FAM20B: variants seen among roughly 807,000 people sequenced by gnomAD.
FAM20B encodes the protein glycosaminoglycan xylosylkinase.
In FAM20B, 23 loss-of-function variants were observed where a neutral mutation model predicts 43.8. The observed-to-expected ratio is 0.53, with a 90% CI of 0.38 to 0.74. The LOEUF is 0.74. FAM20B is among the 30% of genes least tolerant of loss of function. The pLI is 0.00. For synonymous variants in FAM20B, 178 were observed against 192.4 expected (o/e 0.93, Z 0.62); for missense variants, 440 against 510.5 (o/e 0.86, Z 1.33).
intron 3 of FAM20B, among the ~76,000 whole-genome samples, chr1:179,050,921 A>G (rs1650980110): frequency 6.6e-6 from 1 of 152,172 alleles, no homozygotes; most frequent in Admixed American, 6.5e-5. Flanking sequence ...CAGGAGTTCG[A>G]GACCAGCCTG....
intron 4 of FAM20B, among the ~76,000 whole-genome samples, chr1:179,062,522 C>T (rs546669382): frequency 2.0e-5 from 3 of 151,934 alleles, no homozygotes; most frequent in South Asian, 4.2e-4. Context: ...TGGTGGTGGG[C>T]GCCTGTAGTC....
intron 4 of FAM20B, among the ~76,000 whole-genome samples, chr1:179,061,076 A>ATT (rs67897742): frequency 0.025 from 3,099 of 126,192 alleles, 94 homozygotes; most frequent in African/African-American, 0.052. Context: ...TCTTTGTCGA[A>ATT]TTTTTTTTTT....
upstream of FAM20B, among the ~76,000 whole-genome samples, chr1:179,022,784 G>A (rs1013681844): frequency 8.5e-5 from 13 of 152,148 alleles, no homozygotes; most frequent in African/African-American, 2.4e-4. Context: ...CCCGGGGAAC[G>A]GGGTCAGACA....
At chr1:179,062,852 C>T (rs1572556262) in intron 4 of FAM20B, among the ~76,000 whole-genome samples, 1 of 152,170 alleles carries the variant, frequency 6.6e-6, no homozygotes, top group East Asian at 1.9e-4. Flanking sequence ...TTCCTCTATA[C>T]CTACCCCTCT....
upstream of FAM20B, among the ~76,000 whole-genome samples, chr1:179,023,914 A>G (rs999386298): frequency 6.6e-6 from 1 of 152,146 alleles, no homozygotes; most frequent in African/African-American, 2.4e-5. Flanking sequence ...CTTAGAATAT[A>G]TTGACTGTTG....
intron 1 of FAM20B, among the ~76,000 whole-genome samples, chr1:179,027,605 A>T (rs928841978): frequency 6.6e-6 from 1 of 152,248 alleles, no homozygotes; most frequent in Non-Finnish European, 1.5e-5. Flanking sequence ...TCAAAGGAGA[A>T]TACAAAGGCA....
intron 1 of FAM20B, among the ~76,000 whole-genome samples, chr1:179,032,538 C>T (rs991801499): frequency 1.3e-5 from 2 of 152,010 alleles, no homozygotes; most frequent in Non-Finnish European, 2.9e-5. Context: ...TCCCAAGACC[C>T]ACATTAGGTG....
At chr1:179,020,108 A>C in the FAM20B span, among the ~76,000 whole-genome samples, 3 of 150,900 alleles carry the variant, frequency 2.0e-5, no homozygotes, top group African/African-American at 4.9e-5. Flanking sequence ...CTAGATTTCA[A>C]CCCATAGATG....
At chr1:179,046,112 C>T (rs189941828) in intron 2 of FAM20B, among the ~76,000 whole-genome samples, 1 of 152,278 alleles carries the variant, frequency 6.6e-6, no homozygotes, top group African/African-American at 2.4e-5. Flanking sequence ...GACAAGGTCA[C>T]CTCACATCAA....
intron 1 of FAM20B, among the ~76,000 whole-genome samples, chr1:179,029,984 T>C (rs950364318): frequency 6.6e-6 from 1 of 152,208 alleles, no homozygotes; most frequent in Non-Finnish European, 1.5e-5. Context: ...TTGAATCTAC[T>C]TGAGTCGATT....
intron 3 of FAM20B, among the ~76,000 whole-genome samples, chr1:179,051,054 A>G (rs901366792): frequency 6.6e-6 from 1 of 151,610 alleles, no homozygotes; most frequent in African/African-American, 2.4e-5. Flanking sequence ...CCCAGGAGGC[A>G]CAGCTTGCAG....
At chr1:179,070,352 T>C (rs1215826726) in intron 7 of FAM20B, among the ~76,000 whole-genome samples, 1 of 151,942 alleles carries the variant, frequency 6.6e-6, no homozygotes, top group Non-Finnish European at 1.5e-5. Context: ...GGCCAGACTG[T>C]GTAATTTATA....
At chr1:179,025,175 C>T (rs1021833526), upstream of FAM20B, among the ~76,000 whole-genome samples, 1 of 152,212 alleles carries the variant, frequency 6.6e-6, no homozygotes, top group African/African-American at 2.4e-5. Flanking sequence ...ACGATTTATC[C>T]GCGCCCACTG....
At position 179,064,395 on chromosome 1, in the gene FAM20B, T is replaced by A; in HGVS notation, c.837T>A (p.Ala279=). The A allele has an allele frequency of 6.2e-7, 1 of 1,614,200 alleles. No homozygotes were observed. Among genetic ancestry groups the A allele is most frequent in the Non-Finnish European group, 8.5e-7 (1 of 1,180,004 alleles). ...GPRLLDIIDT[A]VFDYLIGNAD... is the part of the protein sequence containing the mutation. ...GCCTCTTGGACATCATTGACACAGC[T>A]GTCTTTGATTACCTGATTGGCAATG... is the stretch of plus-strand genomic sequence containing the variant. Residue 279 remains alanine, a synonymous_variant, in exon 6 of 8, where the codon GCT becomes GCA. Coordinates refer to ENST00000263733, the MANE Select transcript of FAM20B (RefSeq NM_014864.4).
At chr1:179,039,178 G>A (rs866408803) in intron 1 of FAM20B, among the ~76,000 whole-genome samples, 21 of 152,304 alleles carry the variant, frequency 1.4e-4, no homozygotes, top group South Asian at 6.2e-4. Context: ...TGTCATCTTT[G>A]TCTTACCTCA....
chr1:179,030,467 T>C (rs1276801542), intron 1 of FAM20B, among the ~76,000 whole-genome samples: 1 of 152,204 alleles, frequency 6.6e-6, no homozygotes, highest in Admixed American at 6.5e-5. Flanking sequence ...CCAAATTGTC[T>C]TTACTCTTAA....
intron 1 of FAM20B, among the ~76,000 whole-genome samples, chr1:179,037,515 C>T (rs1282482379): frequency 7.7e-6 from 1 of 129,350 alleles, no homozygotes; most frequent in Non-Finnish European, 1.6e-5. Flanking sequence ...GACGGAGCCT[C>T]ACTCTGTCGC....
intron 1 of FAM20B, among the ~76,000 whole-genome samples, chr1:179,043,412 C>T (rs1383243932): frequency 6.6e-6 from 1 of 152,142 alleles, no homozygotes; most frequent in Non-Finnish European, 1.5e-5. Flanking sequence ...GGCCCCTGCT[C>T]CACCATCTTG....
intron 1 of FAM20B, among the ~76,000 whole-genome samples, chr1:179,030,522 G>C (rs1649965204): frequency 6.6e-6 from 1 of 152,158 alleles, no homozygotes; most frequent in Non-Finnish European, 1.5e-5. Flanking sequence ...CAGTGGCCTT[G>C]AAAGGTGGAA....
Sources: allele counts gnomAD v4.1 joint callset (sites outside exome capture counted in the v4.1 genomes callset), GRCh38; gene constraint gnomAD v4.1.1; transcripts MANE v1.5; gene names NCBI Gene and HGNC (gene_info 2026-07-23, HGNC 2026-07-21).